GUCY2C: variants seen among roughly 807,000 people sequenced by gnomAD.
GUCY2C encodes the protein guanylate cyclase 2C.
A neutral mutation model predicts 131.1 loss-of-function variants in GUCY2C; 118 were observed. The observed-to-expected ratio is 0.90, with a 90% CI of 0.78 to 1.05. The LOEUF is 1.05. Among genes scored for constraint, GUCY2C ranks in the 50% least tolerant of loss-of-function variants. The pLI is 0.00. For missense variants in GUCY2C, 1,161 were observed against 1,304.4 expected (o/e 0.89, Z 1.69); for synonymous variants, 452 against 457.8 (o/e 0.99, Z 0.16).
In GUCY2C at chr12:14,641,081, C is replaced by T. The variant is rs778702163; in HGVS notation, c.2068+1G>A. 6.2e-7 allele frequency: 1 copy of T among 1,613,154 alleles called. No homozygotes were observed. The highest frequency in any genetic ancestry group is 8.5e-7 in the Non-Finnish European group (1 of 1,179,784). On this transcript the variant is annotated splice_donor_variant, in intron 18 of 26. Transcript: ENST00000261170. LOFTEE classifies it high-confidence loss of function. ...GGACACATGAATGGGTTTAGATGTA[C>T]CATTCCGGTCCCGACAGCTCAAAGT...
At chr12:14,618,505 C>A (rs113309990) in intron 24 of GUCY2C, among the ~76,000 whole-genome samples, 2 of 151,886 alleles carry the variant, frequency 1.3e-5, no homozygotes, top group African/African-American at 4.8e-5. Flanking sequence ...AGAGTGAGAC[C>A]CCATCTCAAA....
chr12:14,635,535 C>T (rs1947250093), intron 19 of GUCY2C, among the ~76,000 whole-genome samples: 1 of 151,872 alleles, frequency 6.6e-6, no homozygotes, highest in African/African-American at 2.4e-5. Flanking sequence ...TAACAAGGCA[C>T]CTCAAGGAAT....
At chr12:14,695,099 C>T (rs555506046) in intron 1 of GUCY2C, among the ~76,000 whole-genome samples, 129 of 152,026 alleles carry the variant, frequency 8.5e-4, no homozygotes, top group African/African-American at 2.5e-3. Context: ...AAGGCCATGA[C>T]GCTCTAGGAA....
chr12:14,649,446 T>A (rs551552303), intron 15 of GUCY2C, among the ~76,000 whole-genome samples: 1 of 152,258 alleles, frequency 6.6e-6, no homozygotes, highest in African/African-American at 2.4e-5. Flanking sequence ...ATACTCCAAA[T>A]TCATTTAACA....
At chr12:14,674,854 T>C in intron 7 of GUCY2C, 94 bp from the exon 8 acceptor site, 1 of 963,264 alleles carries the variant, frequency 1.0e-6, no homozygotes, top group Non-Finnish European at 1.6e-6. Context: ...GCAGGGTTAC[T>C]GGAAAGTTAA....
At chr12:14,688,857 A>G (rs984514751) in intron 1 of GUCY2C, among the ~76,000 whole-genome samples, 2 of 152,202 alleles carry the variant, frequency 1.3e-5, no homozygotes, top group African/African-American at 4.8e-5. Flanking sequence ...CCTTCTTGGC[A>G]TTTCAGAAAG....
chr12:14,685,121 T>G (rs1948445324), intron 3 of GUCY2C, among the ~76,000 whole-genome samples: 1 of 152,224 alleles, frequency 6.6e-6, no homozygotes. Context: ...ACAGCTAAAA[T>G]GCTTTGCACG....
chr12:14,684,983 A>G (rs1438445723), intron 3 of GUCY2C, among the ~76,000 whole-genome samples: 1 of 151,950 alleles, frequency 6.6e-6, no homozygotes, highest in East Asian at 1.9e-4. Context: ...TGCCCTCTGC[A>G]GTTTCCTGTT....
intron 16 of GUCY2C, among the ~76,000 whole-genome samples, chr12:14,644,734 A>G (rs1592105405): frequency 7.3e-6 from 1 of 136,570 alleles, no homozygotes; most frequent in East Asian, 2.0e-4. Context: ...TTGAGGATTC[A>G]GTTGTCTTTT....
At chr12:14,673,025 G>C in intron 8 of GUCY2C, 67 bp from the exon 9 acceptor site, 3 of 878,556 alleles carry the variant, frequency 3.4e-6, no homozygotes, top group Non-Finnish European at 5.9e-6. Flanking sequence ...GTTGGATCAT[G>C]ACAGAGAGTG....
At chr12:14,632,982 C>G (rs1005412199) in intron 19 of GUCY2C, among the ~76,000 whole-genome samples, 1 of 152,182 alleles carries the variant, frequency 6.6e-6, no homozygotes, top group Non-Finnish European at 1.5e-5. Flanking sequence ...GCTTGGGAAC[C>G]AGAAGCTTGT....
chr12:14,691,974 T>C (rs1220691166), intron 1 of GUCY2C, among the ~76,000 whole-genome samples: 4 of 152,220 alleles, frequency 2.6e-5, no homozygotes, highest in African/African-American at 9.6e-5. Flanking sequence ...AATGGAGGTC[T>C]GGAGAGGTAG....
At chr12:14,677,493 C>T (rs1954378360) in intron 6 of GUCY2C, among the ~76,000 whole-genome samples, 1 of 152,152 alleles carries the variant, frequency 6.6e-6, no homozygotes, top group Non-Finnish European at 1.5e-5. Flanking sequence ...ATGCCTGGCA[C>T]ATTGTAGACT....
At chr12:14,669,292 C>A (rs1170759592) in intron 10 of GUCY2C, among the ~76,000 whole-genome samples, 1 of 150,982 alleles carries the variant, frequency 6.6e-6, no homozygotes, top group Non-Finnish European at 1.5e-5. Flanking sequence ...GCAGCCTCAA[C>A]TTCCTGGGCT....
chr12:14,626,293 C>A (rs972372658), intron 20 of GUCY2C, among the ~76,000 whole-genome samples: 2 of 152,060 alleles, frequency 1.3e-5, no homozygotes, highest in African/African-American at 4.8e-5. Flanking sequence ...TGCACTCCAG[C>A]CTGGGTGACA....
chr12:14,621,004 A>G (rs372956745), intron 23 of GUCY2C, 38 bp downstream of exon 23: 1 of 1,548,440 alleles, frequency 6.5e-7, no homozygotes, highest in Non-Finnish European at 8.9e-7. Context: ...ACAGCAGTAC[A>G]TATGGTTCCC....
chr12:14,683,318 G>A, intron 3 of GUCY2C, 61 bp from the exon 4 acceptor site: 1 of 1,004,350 alleles, frequency 1.0e-6, no homozygotes, highest in South Asian at 1.3e-5. Context: ...GCACAAATAA[G>A]ATCCCTCTTT....
At chr12:14,692,421 T>C (rs1948591507) in intron 1 of GUCY2C, among the ~76,000 whole-genome samples, 1 of 151,560 alleles carries the variant, frequency 6.6e-6, no homozygotes, top group Non-Finnish European at 1.5e-5. Flanking sequence ...TGCTAACAGA[T>C]ATTTATTTTT....
Position 14,613,192 on chromosome 12 carries a change from C to T in GUCY2C, c.3147G>A (p.Arg1049=). The part of the protein sequence containing the change: ...AAGIRSQKPR[R]VASYKKGTLE... ...GAGTGCCTTTTTTATAGCTGGCTACCCGTCTGGGTTTTTGGCTTCTTATCC... is the reference window on the plus strand; with the variant it reads ...GAGTGCCTTTTTTATAGCTGGCTACTCGTCTGGGTTTTTGGCTTCTTATCC... The change falls in exon 27 of 27, where the codon CGG becomes CGA. Residue 1049 remains arginine (R), a synonymous_variant. Coordinates refer to ENST00000261170, the MANE Select transcript of GUCY2C (RefSeq NM_004963.4). This position sits in a 1 kb window ranked among gnomAD's most constrained non-coding sequence, Gnocchi z 4.9. The T allele has an allele frequency of 6.2e-7, 1 of 1,613,448 alleles. No individual in the cohort carries two copies. Among genetic ancestry groups the T allele is most frequent in the Non-Finnish European group, 8.5e-7 (1 of 1,179,538 alleles).
Sources: gnomAD v4.1 joint callset for allele counts (sites outside exome capture counted in the v4.1 genomes callset) on GRCh38, gnomAD v4.1.1 for gene constraint, Gnocchi (gnomAD v3.1) non-coding constraint, MANE v1.5 for transcripts, NCBI Gene and HGNC (gene_info 2026-07-23, HGNC 2026-07-21) for gene names.